Variants in SPOCK3 observed in about 807,000 individuals in gnomAD.
SPOCK3 encodes SPARC (osteonectin), cwcv and kazal like domains proteoglycan 3.
A neutral mutation model predicts 56.6 loss-of-function variants in SPOCK3; 30 were observed. The observed-to-expected ratio is 0.53, with a 90% CI of 0.40 to 0.72. The LOEUF (loss-of-function observed/expected upper bound fraction) is 0.72. Ranked by LOEUF, SPOCK3 falls within the 30% of genes least tolerant of loss-of-function variation. The probability of loss-of-function intolerance (pLI) is 0.00; values close to 1 mark genes in which losing one functional copy is unlikely to be tolerated. For synonymous variants in SPOCK3, 196 were observed against 183.3 expected (o/e 1.07, Z -0.56); for missense variants, 527 against 530.0 (o/e 0.99, Z 0.06).
intron 2 of SPOCK3, among the ~76,000 whole-genome samples, chr4:167,104,936 C>A (rs1485475928): frequency 6.6e-6 from 1 of 151,004 alleles, no homozygotes; most frequent in Admixed American, 6.6e-5. Context: ...AGCAGCATGA[C>A]ATACTTAAAG....
chr4:167,005,467 C>T (rs769777005), intron 3 of SPOCK3, among the ~76,000 whole-genome samples: 15 of 151,988 alleles, frequency 9.9e-5, no homozygotes, highest in Non-Finnish European at 2.1e-4. Flanking sequence ...CCCGCCTCGG[C>T]CTCCCAAAGG....
At chr4:166,769,453 T>C (rs906228228) in intron 7 of SPOCK3, among the ~76,000 whole-genome samples, 1 of 152,164 alleles carries the variant, frequency 6.6e-6, no homozygotes, top group Non-Finnish European at 1.5e-5. Context: ...GGAGGTCCAC[T>C]CCAGACCCTG....
rs375302141 is a variant in SPOCK3, at chr4:167,183,454, AT to A, written c.189+50530del. Among the ~76,000 whole-genome samples, 95 of 152,322 alleles carry A rather than the reference AT, an allele frequency of 6.2e-4. 4 individuals carry two copies. In the South Asian group the frequency reaches 8.1e-3, roughly 13 times the overall value. On this transcript the variant is annotated intron_variant, in intron 2 of 10. Transcript: ENST00000357545. ...GTTGAAATACTCAGCATGAAAAAAA[AT>A]GACACCTCTTTAAAACAAAATGCAT... is the stretch of plus-strand genomic sequence containing the variant.
intron 2 of SPOCK3, among the ~76,000 whole-genome samples, chr4:167,089,518 C>G (rs1202664359): frequency 6.6e-6 from 1 of 151,998 alleles, no homozygotes; most frequent in African/African-American, 2.4e-5. Flanking sequence ...TATACAAAAT[C>G]TAAAGTTAAG....
chr4:166,851,533 A>G (rs1046958661), intron 6 of SPOCK3, among the ~76,000 whole-genome samples: 2 of 152,254 alleles, frequency 1.3e-5, no homozygotes, highest in Non-Finnish European at 2.9e-5. Flanking sequence ...CTACAGGAGG[A>G]AATTCAAACC....
chr4:166,813,293 C>T (rs903907165), intron 6 of SPOCK3, among the ~76,000 whole-genome samples: 3 of 151,842 alleles, frequency 2.0e-5, no homozygotes, highest in Non-Finnish European at 2.9e-5. Context: ...GGGTCTGCAG[C>T]GTATTCTCAC....
chr4:167,036,172 C>A (rs1752731815), intron 3 of SPOCK3, among the ~76,000 whole-genome samples: 1 of 149,728 alleles, frequency 6.7e-6, no homozygotes, highest in Non-Finnish European at 1.5e-5. Flanking sequence ...TAATGAGACA[C>A]CCAAATTGGC....
At chr4:166,959,751 T>G (rs774107182) in intron 4 of SPOCK3, among the ~76,000 whole-genome samples, 1 of 152,150 alleles carries the variant, frequency 6.6e-6, no homozygotes, top group African/African-American at 2.4e-5. Context: ...AGAGCTGAGA[T>G]AGTATTTTCT....
intron 2 of SPOCK3, among the ~76,000 whole-genome samples, chr4:167,231,956 T>A (rs1737218593): frequency 6.6e-6 from 1 of 152,178 alleles, no homozygotes; most frequent in African/African-American, 2.4e-5. Context: ...TTGCATATAC[T>A]TCAAAACAGA....
chr4:167,153,181 G>A (rs1726604774), intron 2 of SPOCK3, among the ~76,000 whole-genome samples: 1 of 152,136 alleles, frequency 6.6e-6, no homozygotes, highest in African/African-American at 2.4e-5. Context: ...ATGTGTGATT[G>A]GGCTTTGACT....
chr4:167,120,296 T>C (rs1039587996), intron 2 of SPOCK3, among the ~76,000 whole-genome samples: 1 of 152,058 alleles, frequency 6.6e-6, no homozygotes, highest in African/African-American at 2.4e-5. Flanking sequence ...TATTTTATCC[T>C]AGAGGGTTGA....
intron 6 of SPOCK3, among the ~76,000 whole-genome samples, chr4:166,878,307 A>G (rs1159206565): frequency 6.6e-6 from 1 of 152,066 alleles, no homozygotes; most frequent in African/African-American, 2.4e-5. Context: ...AGTTATAAAC[A>G]ACACTTCTAA....
At chr4:166,881,937 A>G (rs1469952201) in intron 6 of SPOCK3, among the ~76,000 whole-genome samples, 2 of 152,198 alleles carry the variant, frequency 1.3e-5, no homozygotes, top group African/African-American at 2.4e-5. Context: ...ATTATCGTAC[A>G]TTATATTTAA....
intron 2 of SPOCK3, among the ~76,000 whole-genome samples, chr4:167,206,359 T>C (rs771870882): frequency 9.2e-5 from 14 of 152,066 alleles, no homozygotes; most frequent in Non-Finnish European, 1.5e-5. Context: ...TTTATGTATG[T>C]TGCATACACA....
At chr4:166,885,938 G>A (rs1734150138) in intron 6 of SPOCK3, among the ~76,000 whole-genome samples, 1 of 152,120 alleles carries the variant, frequency 6.6e-6, no homozygotes, top group Non-Finnish European at 1.5e-5. Context: ...TATGTCTAAA[G>A]TTTACTGTGC....
chr4:167,009,035 A>G (rs973047955), intron 3 of SPOCK3, among the ~76,000 whole-genome samples: 2 of 152,182 alleles, frequency 1.3e-5, no homozygotes, highest in Non-Finnish European at 2.9e-5. Context: ...TTAAAAAATA[A>G]AAGGTCTTCA....
At chr4:167,061,803 CA>C (rs1755635819) in intron 3 of SPOCK3, among the ~76,000 whole-genome samples, 1 of 151,930 alleles carries the variant, frequency 6.6e-6, no homozygotes, top group African/African-American at 2.4e-5. Flanking sequence ...CAGAAAGTTA[CA>C]AAAAGAAACT....
chr4:166,734,094 A>G lies in SPOCK3; in HGVS notation c.*827T>C, dbSNP rs1200144454. 6.6e-6 allele frequency: 1 copy of G among 152,026 alleles called. No homozygotes were observed. Among genetic ancestry groups the G allele is most frequent in the African/African-American group, 2.4e-5 (1 of 41,440 alleles). 9.4% of individuals were successfully genotyped at this position (152,026 alleles called of 1,614,324 possible). Reference sequence around the variant, plus strand: ...TTGGGGCAAATGACAAACTTTGTAAAAATATGGTTTAAATGAATCTTTCCC... The same window carrying G: ...TTGGGGCAAATGACAAACTTTGTAAGAATATGGTTTAAATGAATCTTTCCC... On this transcript the variant is annotated 3_prime_UTR_variant, in exon 11 of 11. Coordinates refer to ENST00000357545, the MANE Select transcript of SPOCK3 (RefSeq NM_001040159.2).
At chr4:166,851,126 C>G (rs868113601) in intron 6 of SPOCK3, among the ~76,000 whole-genome samples, 7 of 151,742 alleles carry the variant, frequency 4.6e-5, no homozygotes, top group Middle Eastern at 3.4e-3. Context: ...GATCTGAGAA[C>G]TGGCAGACTG....
Sources: allele counts gnomAD v4.1 joint callset (sites outside exome capture counted in the v4.1 genomes callset), GRCh38; gene constraint gnomAD v4.1.1; transcripts MANE v1.5; gene names NCBI Gene and HGNC (gene_info 2026-07-23, HGNC 2026-07-21).